ZNF653: variants seen among roughly 807,000 people sequenced by gnomAD.
ZNF653 encodes 67 kDa zinc finger protein.
A neutral mutation model predicts 59.9 loss-of-function variants in ZNF653; 37 were observed. The ratio of observed to expected loss-of-function variants is 0.62; its 90% CI spans 0.48 to 0.81. ZNF653 has a LOEUF of 0.81. Ranked by LOEUF, ZNF653 falls within the 40% of genes least tolerant of loss-of-function variation. ZNF653 has a pLI of 0.00. For missense variants in ZNF653, 808 were observed against 881.1 expected, an observed-to-expected ratio of 0.92 and a Z score of 1.05; for synonymous variants, 435 against 371.8, an observed-to-expected ratio of 1.17 and a Z score of -1.96.
In ZNF653 at chr19:11,487,920, A is replaced by G; in HGVS notation, c.560-17T>C. 1 of 1,553,200 alleles carries G rather than the reference A, an allele frequency of 6.4e-7. No individual in the cohort carries two copies. The highest frequency in any genetic ancestry group is 8.7e-7 in the Non-Finnish European group (1 of 1,150,342). On this transcript the variant is annotated splice_polypyrimidine_tract_variant and intron_variant, in intron 3 of 8. Transcript: ENST00000293771. The surrounding 1 kb of genome is among the most constrained non-coding windows in gnomAD (Gnocchi z 5.1). Reference sequence around the variant, plus strand: ...CATTGCCCACTGTGGGGACAGAAGAAAGGGAGTGGTTATGATAGCTGCAGC... The same window carrying G: ...CATTGCCCACTGTGGGGACAGAAGAGAGGGAGTGGTTATGATAGCTGCAGC...
At chr19:11,503,783 G>A (rs1971671651) in intron 1 of ZNF653, among the ~76,000 whole-genome samples, 2 of 151,984 alleles carry the variant, frequency 1.3e-5, no homozygotes, top group African/African-American at 4.8e-5. Flanking sequence ...TCTGGCCTGG[G>A]TGACAAAGTG....
chr19:11,505,399 C>T, intron 1 of ZNF653, 89 bp downstream of exon 1: 3 of 1,295,624 alleles, frequency 2.3e-6, no homozygotes, highest in South Asian at 3.6e-5. Context: ...GTGCCGGGGG[C>T]TGGCCCTAGA....
intron 3 of ZNF653, among the ~76,000 whole-genome samples, chr19:11,491,856 C>T (rs1209427735): frequency 1.3e-5 from 2 of 152,062 alleles, no homozygotes; most frequent in Non-Finnish European, 2.9e-5. Context: ...GGATTACAGA[C>T]GTGAGCCACC....
chr19:11,488,429 C>T (rs181955840), intron 3 of ZNF653, among the ~76,000 whole-genome samples: 3 of 151,812 alleles, frequency 2.0e-5, no homozygotes, highest in Admixed American at 6.6e-5. Context: ...TGTGAGCCAC[C>T]GCGCCTGGCC....
chr19:11,502,846 C>G (rs752480913), intron 1 of ZNF653, among the ~76,000 whole-genome samples: 7 of 152,072 alleles, frequency 4.6e-5, no homozygotes, highest in Non-Finnish European at 8.8e-5. Context: ...CCAGCCTAGC[C>G]AACATGGCGA....
At position 11,483,609 on chromosome 19, in the gene ZNF653, G is replaced by C. The variant is rs956081040; in HGVS notation, c.*73C>G. 2.2e-5 allele frequency: 35 copies of C among 1,556,746 alleles called. No homozygotes were observed. The highest frequency in any genetic ancestry group is 4.1e-5 in the African/African-American group (3 of 73,918). ...CGCGGTCCGGGCGGCCCTCGCAGCT[G>C]TCCAGGCCCCGGCAAGCCCGGGCGT... is the stretch of plus-strand genomic sequence containing the variant. On this transcript the variant is annotated 3_prime_UTR_variant, in exon 9 of 9. Coordinates refer to ENST00000293771, the MANE Select transcript of ZNF653 (RefSeq NM_138783.4).
Position 11,484,102 on chromosome 19 carries a change from A to T in ZNF653, c.1610T>A (p.Phe537Tyr). The part of the protein sequence containing the change: ...EFTCETCGKS[F>Y]KRKNHLEVHR... ...TACCTCCAGGTGGTTCTTCCTCTTG[A>T]AGGACTTGCCGCAGGTCTCGCAGGT... The change falls in exon 8 of 9, where the codon TTC becomes TAC. Residue 537 changes from phenylalanine (F) to tyrosine (Y), a missense_variant. Phe to Tyr is a conservative substitution (Grantham distance 22). Transcript: ENST00000293771. 3 of 1,557,792 alleles carry T rather than the reference A, an allele frequency of 1.9e-6. No homozygotes were observed. The highest frequency in any genetic ancestry group is 2.6e-6 in the Non-Finnish European group (3 of 1,150,696).
chr19:11,487,608 C>T lies in ZNF653; in HGVS notation c.855G>A (p.Val285=), dbSNP rs1971482830. The change falls in exon 4 of 9, where the codon GTG becomes GTA. Residue 285 remains valine (V), a synonymous_variant. Transcript: ENST00000293771. The surrounding 1 kb of genome is among the most constrained non-coding windows in gnomAD (Gnocchi z 5.1). ...CAAAGAGGGCGCTGGGGCCCGCACC[C>T]ACTTGCACAGGCACCGGCACGCACA... ...TVVCVPVPVQ[V]GAGPSALFEN... 2 of 1,613,902 alleles carry T rather than the reference C, an allele frequency of 1.2e-6. No individual in the cohort carries two copies.
In ZNF653 at chr19:11,487,866, G is replaced by A. The variant is rs1351960514; in HGVS notation, c.597C>T (p.Ser199=). 4 of 1,605,792 alleles carry A rather than the reference G, an allele frequency of 2.5e-6. No homozygotes were observed. The highest frequency in any genetic ancestry group is 1.3e-5 in the African/African-American group (1 of 74,818). The stretch of plus-strand genomic sequence containing the variant: ...CAGAGTCAGAGGCAGAGCCAGAGCT[G>A]GATGAGTCAGAGCTGCCAGCCACCA... ...NGLVAGSSDS[S]SSGSASDSEE... The change falls in exon 4 of 9, where the codon TCC becomes TCT. Residue 199 remains serine, a synonymous_variant. Transcript: ENST00000293771. The surrounding 1 kb of genome is among the most constrained non-coding windows in gnomAD (Gnocchi z 5.1).
In ZNF653 at chr19:11,505,494, C is replaced by T; in HGVS notation, c.293G>A (p.Arg98His). 1.3e-6 allele frequency: 2 copies of T among 1,482,462 alleles called. No individual in the cohort carries two copies. Among genetic ancestry groups the T allele is most frequent in the Non-Finnish European group, 8.9e-7 (1 of 1,128,784 alleles). 91.8% of individuals were successfully genotyped at this position (1,482,462 alleles called of 1,614,324 possible). ...ISLERGQRSG[R>H]HGKPWEQVPK... ...CGGGGCCAGGCCCCCTCACCCGTGG[C>T]GGCCGCTCCGCTGGCCGCGCTCCAG... Residue 98 changes from arginine to histidine, a missense_variant, in exon 1 of 9, where the codon CGC becomes CAC. Coordinates refer to ENST00000293771, the MANE Select transcript of ZNF653 (RefSeq NM_138783.4).
Position 11,495,477 on chromosome 19 carries a change from C to G in ZNF653, c.559+473G>C. 5.7e-6 allele frequency: 1 copy of G among 175,998 alleles called. No homozygotes were observed. The highest frequency in any genetic ancestry group is 1.2e-4 in the South Asian group (1 of 8,550). 10.9% of individuals were successfully genotyped at this position (175,998 alleles called of 1,614,324 possible). On this transcript the variant is annotated intron_variant, in intron 3 of 8. Coordinates refer to ENST00000293771, the MANE Select transcript of ZNF653 (RefSeq NM_138783.4). The surrounding 1 kb of genome is among the most constrained non-coding windows in gnomAD (Gnocchi z 4.9). Reference sequence around the variant, plus strand: ...AGGCAAGAAACGAAGCCTGGAAAGGCAGAAGGCAAGAGAATGCAACTGGGA... The same window carrying G: ...AGGCAAGAAACGAAGCCTGGAAAGGGAGAAGGCAAGAGAATGCAACTGGGA...
At chr19:11,505,283 G>A (rs1434658546) in intron 1 of ZNF653, 4 of 528,072 alleles carry the variant, frequency 7.6e-6, no homozygotes, top group African/African-American at 6.1e-5. Flanking sequence ...TGCACCCTAG[G>A]ATTGGGCAGT....
In ZNF653 at chr19:11,483,596, G is replaced by T. The variant is rs758937222; in HGVS notation, c.*86C>A. 1 of 1,507,766 alleles carries T rather than the reference G, an allele frequency of 6.6e-7. No individual in the cohort carries two copies. The highest frequency in any genetic ancestry group is 8.9e-7 in the Non-Finnish European group (1 of 1,122,374). 93.4% of individuals were successfully genotyped at this position (1,507,766 alleles called of 1,614,324 possible). ...CCTCCTTCCGGCCCGCGGTCCGGGC[G>T]GCCCTCGCAGCTGTCCAGGCCCCGG... On this transcript the variant is annotated 3_prime_UTR_variant, in exon 9 of 9. Transcript: ENST00000293771.
Position 11,486,864 on chromosome 19 carries a change from G to T in ZNF653, c.1360C>A (p.Arg454=). ...KEPEKRRRSK[R]SRVMDADGLL... Reference sequence around the variant, plus strand: ...CCGTCAGCATCCATCACCCGCGACCGCTTGCTCCGCCGCCTCCTGGAGGGG... The same window carrying T: ...CCGTCAGCATCCATCACCCGCGACCTCTTGCTCCGCCGCCTCCTGGAGGGG... The change falls in exon 6 of 9, where the codon CGG becomes AGG. Residue 454 remains arginine (R), a synonymous_variant. Coordinates refer to ENST00000293771, the MANE Select transcript of ZNF653 (RefSeq NM_138783.4). 6.2e-7 allele frequency: 1 copy of T among 1,611,024 alleles called. No individual in the cohort carries two copies.
At chr19:11,501,384 G>T (rs1467303543) in intron 1 of ZNF653, among the ~76,000 whole-genome samples, 1 of 151,948 alleles carries the variant, frequency 6.6e-6, no homozygotes, top group Admixed American at 6.6e-5. Flanking sequence ...TCGCCATGTT[G>T]CCCAAGCTGG....
At chr19:11,504,652 G>A (rs1472814492) in intron 1 of ZNF653, 4 of 767,334 alleles carry the variant, frequency 5.2e-6, no homozygotes, top group Non-Finnish European at 4.8e-6. Flanking sequence ...ATGTGTACCT[G>A]AAAACCAGGG....
intron 1 of ZNF653, 120 bp from the exon 2 acceptor site, chr19:11,498,459 T>C: frequency 7.3e-7 from 1 of 1,364,094 alleles, no homozygotes; most frequent in Non-Finnish European, 1.0e-6. Flanking sequence ...ATCTGAACTT[T>C]TTGAGATGGA....
chr19:11,486,947 T>C (rs1261048017), intron 5 of ZNF653, 40 bp downstream of exon 5: 16 of 1,612,008 alleles, frequency 9.9e-6, no homozygotes, highest in Non-Finnish European at 1.4e-5. Flanking sequence ...GCGGGCCGCT[T>C]CTAGCCCTCG....
intron 3 of ZNF653, among the ~76,000 whole-genome samples, chr19:11,493,521 A>G (rs948191550): frequency 6.6e-6 from 1 of 152,136 alleles, no homozygotes; most frequent in Non-Finnish European, 1.5e-5. Context: ...GGGGATAAGG[A>G]GGATCAGCCC....
Sources: gnomAD v4.1 joint callset for allele counts (sites outside exome capture counted in the v4.1 genomes callset) on GRCh38, gnomAD v4.1.1 for gene constraint, Gnocchi (gnomAD v3.1) non-coding constraint, MANE v1.5 for transcripts, NCBI Gene and HGNC (gene_info 2026-07-23, HGNC 2026-07-21) for gene names.